Variants in TRDN observed in about 807,000 individuals in gnomAD.
TRDN encodes triadin in skeletal muscle.
A neutral mutation model predicts 149.7 loss-of-function variants in TRDN; 161 were observed. The ratio of observed to expected loss-of-function variants is 1.08; its 90% CI spans 0.95 to 1.23. The LOEUF is 1.23. TRDN is among the 50% of genes most tolerant of loss of function. The pLI, the probability that TRDN is intolerant of heterozygous loss-of-function variation, is 0.00. For synonymous variants in TRDN, 294 were observed against 250.5 expected, an observed-to-expected ratio of 1.17 and a Z score of -1.64; for missense variants, 896 against 823.5, an observed-to-expected ratio of 1.09 and a Z score of -1.08.
intron 9 of TRDN, among the ~76,000 whole-genome samples, chr6:123,493,183 CT>C (rs2114801993): frequency 6.6e-6 from 1 of 152,174 alleles, no homozygotes; most frequent in African/African-American, 2.4e-5. Context: ...CATTCACTTC[CT>C]AGATTTAAAT....
chr6:123,231,065 A>G (rs1775580128), intron 38 of TRDN, among the ~76,000 whole-genome samples: 1 of 152,160 alleles, frequency 6.6e-6, no homozygotes, highest in South Asian at 2.1e-4. Flanking sequence ...CACATTTTAA[A>G]AAGTGTTGAA....
At chr6:123,530,937 T>C (rs1387775228) in intron 4 of TRDN, among the ~76,000 whole-genome samples, 1 of 151,958 alleles carries the variant, frequency 6.6e-6, no homozygotes, top group Non-Finnish European at 1.5e-5. Context: ...TTTAGGAAGA[T>C]TTAGTTTTTA....
chr6:123,503,664 T>C, intron 8 of TRDN, 55 bp downstream of exon 8: 2 of 1,609,372 alleles, frequency 1.2e-6, no homozygotes, highest in African/African-American at 1.3e-5. Flanking sequence ...CTGCATGTGC[T>C]TCTTGCCCAA....
At chr6:123,227,205 A>C (rs1218293438) in intron 38 of TRDN, among the ~76,000 whole-genome samples, 1 of 151,884 alleles carries the variant, frequency 6.6e-6, no homozygotes, top group African/African-American at 2.4e-5. Context: ...GCAATTTGGC[A>C]AGTGTTCTAA....
chr6:123,365,052 T>G (rs1311175013), intron 20 of TRDN, among the ~76,000 whole-genome samples: 1 of 152,188 alleles, frequency 6.6e-6, no homozygotes. Context: ...TGTATCATGA[T>G]CACCTAGCTA....
chr6:123,455,478 A>C (rs1229208630), intron 10 of TRDN, among the ~76,000 whole-genome samples: 1 of 151,414 alleles, frequency 6.6e-6, no homozygotes, highest in East Asian at 1.9e-4. Context: ...AGAAAAGAGG[A>C]GCGAGACGGG....
At chr6:123,385,318 C>T (rs983362827) in intron 14 of TRDN, among the ~76,000 whole-genome samples, 9 of 151,544 alleles carry the variant, frequency 5.9e-5, no homozygotes, top group Non-Finnish European at 8.8e-5. Flanking sequence ...GTACCAACTA[C>T]TCGGGAGACT....
intron 19 of TRDN, among the ~76,000 whole-genome samples, chr6:123,369,880 T>C (rs1002815096): frequency 6.6e-6 from 1 of 152,144 alleles, no homozygotes; most frequent in African/African-American, 2.4e-5. Flanking sequence ...GTTTTCTCCT[T>C]CACTGATGCT....
intron 12 of TRDN, among the ~76,000 whole-genome samples, chr6:123,396,186 C>A (rs1039407570): frequency 2.0e-5 from 3 of 152,142 alleles, no homozygotes; most frequent in East Asian, 1.9e-4. Flanking sequence ...TCCAGACAGA[C>A]AAATTTTCAT....
rs142211123 is a variant in TRDN at position 123,243,991 on chromosome 6, A to G, written c.1975+8421T>C. Among the ~76,000 whole-genome samples, 125 of 152,280 alleles carry G rather than the reference A, an allele frequency of 8.2e-4. 1 individual carries two copies. Among genetic ancestry groups the G allele is most frequent in the African/African-American group, 2.9e-3 (119 of 41,580 alleles). On this transcript the variant is annotated intron_variant, in intron 38 of 40. Transcript: ENST00000334268. Reference sequence around the variant, plus strand: ...TTTATAGAACATTTTGTCAACAACTACAGAATATACAAGTTTCTCCAGTTA... The same window carrying G: ...TTTATAGAACATTTTGTCAACAACTGCAGAATATACAAGTTTCTCCAGTTA...
At chr6:123,576,976 A>T (rs1292978832) in intron 1 of TRDN, among the ~76,000 whole-genome samples, 1 of 152,096 alleles carries the variant, frequency 6.6e-6, no homozygotes, top group Non-Finnish European at 1.5e-5. Flanking sequence ...TAAAATAAAA[A>T]AAAAAGAAAA....
intron 23 of TRDN, among the ~76,000 whole-genome samples, chr6:123,325,276 G>A (rs1779398768): frequency 6.6e-6 from 1 of 152,058 alleles, no homozygotes; most frequent in Non-Finnish European, 1.5e-5. Flanking sequence ...TAACATGACA[G>A]TTGTAGTATT....
In TRDN at chr6:123,547,323, A is replaced by C; in HGVS notation, c.424+17T>G. The C allele has an allele frequency of 7.1e-7, 1 of 1,413,296 alleles. No homozygotes were observed. Among genetic ancestry groups the C allele is most frequent in the Non-Finnish European group, 9.4e-7 (1 of 1,059,692 alleles). 87.5% of individuals were successfully genotyped at this position (1,413,296 alleles called of 1,614,324 possible). A position where few individuals can be genotyped will look rare whatever the true frequency, so the allele number is the denominator to read the frequency against. ...ATAAGAGAAAAATAATTATTATCAA[A>C]GGTGAAAACAACTAACCTTTTTTTC... On this transcript the variant is annotated intron_variant, in intron 4 of 40. Coordinates refer to ENST00000334268, the MANE Select transcript of TRDN (RefSeq NM_006073.4).
intron 12 of TRDN, among the ~76,000 whole-genome samples, chr6:123,414,696 T>A (rs1773580953): frequency 1.3e-5 from 2 of 152,116 alleles, no homozygotes; most frequent in Non-Finnish European, 2.9e-5. Flanking sequence ...GAAAAACCAC[T>A]ATATGCAAAT....
chr6:123,502,090 GA>G, intron 8 of TRDN: 1 of 984,276 alleles, frequency 1.0e-6, no homozygotes, highest in Non-Finnish European at 1.2e-6. Context: ...TTAAAAATTA[GA>G]ATGTACTTTG....
intron 10 of TRDN, among the ~76,000 whole-genome samples, chr6:123,449,327 C>T (rs1422737669): frequency 1.3e-5 from 2 of 151,906 alleles, no homozygotes; most frequent in Admixed American, 6.6e-5. Context: ...AAAAACAATA[C>T]AAGAAGTGAA....
At chr6:123,362,054 T>C (rs948589210) in intron 20 of TRDN, among the ~76,000 whole-genome samples, 5 of 152,210 alleles carry the variant, frequency 3.3e-5, no homozygotes, top group South Asian at 2.1e-4. Flanking sequence ...TCTTTAGCTT[T>C]TCTTTTTCAT....
chr6:123,367,822 C>T (rs1424070692), intron 19 of TRDN, among the ~76,000 whole-genome samples: 1 of 152,176 alleles, frequency 6.6e-6, no homozygotes, highest in Non-Finnish European at 1.5e-5. Flanking sequence ...ACTTTGGAAA[C>T]TGATAACCAA....
chr6:123,493,345 A>T (rs971330780), intron 9 of TRDN, among the ~76,000 whole-genome samples: 12 of 152,152 alleles, frequency 7.9e-5, no homozygotes, highest in African/African-American at 2.9e-4. Context: ...TGACCCTAGG[A>T]TAGTGCATAT....
Sources: allele counts gnomAD v4.1 joint callset (sites outside exome capture counted in the v4.1 genomes callset), GRCh38; gene constraint gnomAD v4.1.1; transcripts MANE v1.5; gene names NCBI Gene and HGNC (gene_info 2026-07-23, HGNC 2026-07-21).